The following MTUS1 variants were observed in gnomAD, a reference collection of about 807,000 sequenced individuals.
MTUS1 encodes microtubule-associated tumor suppressor 1.
Under a neutral mutation model 120.8 loss-of-function variants are expected in MTUS1, and 109 were observed. The ratio of observed to expected loss-of-function variants is 0.90; its 90% confidence interval spans 0.77 to 1.06. The LOEUF (loss-of-function observed/expected upper bound fraction) is 1.06. Ranked by LOEUF, MTUS1 falls within the 50% of genes least tolerant of loss-of-function variation. MTUS1 has a pLI of 0.00. For missense variants in MTUS1, 2,210 were observed against 1,486.3 expected (o/e 1.49, Z -8.01); for synonymous variants, 737 against 550.5 (o/e 1.34, Z -4.74).
chr8:17,689,345 A>G (rs924113302), intron 6 of MTUS1, among the ~76,000 whole-genome samples: 3 of 152,028 alleles, frequency 2.0e-5, no homozygotes, highest in African/African-American at 4.8e-5. Context: ...GCAATAGCTC[A>G]TATTATATCA....
chr8:17,801,255 C>G (rs1454503834), upstream of MTUS1: 1 of 151,470 alleles, frequency 6.6e-6, no homozygotes, highest in Non-Finnish European at 1.5e-5. Flanking sequence ...CCGGCCTCCC[C>G]GCCTCCCCGC....
intron 3 of MTUS1, among the ~76,000 whole-genome samples, chr8:17,737,836 G>T (rs2131224241): frequency 6.6e-6 from 1 of 152,048 alleles, no homozygotes; most frequent in East Asian, 1.9e-4. Context: ...CTGATTTTTA[G>T]TAATTACTTT....
At chr8:17,701,881 A>G (rs113520351) in intron 6 of MTUS1, among the ~76,000 whole-genome samples, 7,065 of 152,222 alleles carry the variant, frequency 0.046, 175 homozygotes, top group African/African-American at 0.073. Flanking sequence ...TTACTTACAC[A>G]TCAGACTGCT....
At chr8:17,659,237 C>T (rs1446203291) in intron 8 of MTUS1, among the ~76,000 whole-genome samples, 1 of 152,088 alleles carries the variant, frequency 6.6e-6, no homozygotes, top group African/African-American at 2.4e-5. Flanking sequence ...GCTGGCAAGG[C>T]GCATGATGGG....
At chr8:17,703,546 G>A (rs452444) in intron 6 of MTUS1, among the ~76,000 whole-genome samples, 2,312 of 151,008 alleles carry the variant, frequency 0.015, 55 homozygotes, top group African/African-American at 0.053. Flanking sequence ...GGAGAATGGC[G>A]TGAACCTGGG....
intron 3 of MTUS1, among the ~76,000 whole-genome samples, chr8:17,733,630 GCCCC>G (rs2046742894): frequency 6.6e-6 from 1 of 152,060 alleles, no homozygotes; most frequent in Non-Finnish European, 1.5e-5. Flanking sequence ...ATAAAACAGG[GCCCC>G]GCATCCCTTT....
chr8:17,667,437 T>TA (rs1256416367), intron 8 of MTUS1, among the ~76,000 whole-genome samples: 2 of 152,186 alleles, frequency 1.3e-5, no homozygotes, highest in African/African-American at 4.8e-5. Flanking sequence ...AAATTGTAGA[T>TA]AAAAACGGAA....
intron 1 of MTUS1, among the ~76,000 whole-genome samples, chr8:17,795,212 A>C (rs2052125144): frequency 6.6e-6 from 1 of 152,208 alleles, no homozygotes; most frequent in Non-Finnish European, 1.5e-5. Flanking sequence ...CATTATTTAC[A>C]CAAGAATGTA....
At chr8:17,763,547 T>C (rs1382788920) in intron 1 of MTUS1, among the ~76,000 whole-genome samples, 1 of 152,104 alleles carries the variant, frequency 6.6e-6, no homozygotes, top group Non-Finnish European at 1.5e-5. Context: ...TTAGTGAGAA[T>C]TAGCTGCACA....
intron 8 of MTUS1, among the ~76,000 whole-genome samples, chr8:17,666,535 C>T (rs1315459780): frequency 6.6e-6 from 1 of 152,126 alleles, no homozygotes; most frequent in Non-Finnish European, 1.5e-5. Context: ...AGAGCAGTGT[C>T]AAAGGGTAGT....
At chr8:17,673,589 C>A (rs1228851671) in intron 8 of MTUS1, among the ~76,000 whole-genome samples, 1 of 152,160 alleles carries the variant, frequency 6.6e-6, no homozygotes, top group Non-Finnish European at 1.5e-5. Context: ...GTAGCTGGGA[C>A]AACAGGCACA....
chr8:17,729,020 A>G (rs921659108), intron 3 of MTUS1, among the ~76,000 whole-genome samples: 3 of 152,224 alleles, frequency 2.0e-5, no homozygotes, highest in Non-Finnish European at 4.4e-5. Context: ...CTACTAAGTA[A>G]GAAAGAGAAA....
At chr8:17,797,301 T>C (rs2052321332) in intron 1 of MTUS1, among the ~76,000 whole-genome samples, 2 of 152,046 alleles carry the variant, frequency 1.3e-5, no homozygotes, top group African/African-American at 2.4e-5. Flanking sequence ...TAGTCCCAGA[T>C]ACTCAGGAGG....
chr8:17,723,724 G>A lies in MTUS1; in HGVS notation c.2397C>T (p.Ser799=), dbSNP rs781209973. ...TGTGGGTGCTGGCTATTGAGGGGGT[G>A]CTTCCTGTCCTCCGCAGCGCAGGAC... The part of the protein sequence containing the change: ...LKSPALRRTG[S]TPSIASTHSE... The change falls in exon 4 of 15, where the codon AGC becomes AGT. Residue 799 remains serine (S), a synonymous_variant. Transcript: ENST00000693296. The A allele has an allele frequency of 6.2e-7, 1 of 1,610,990 alleles. No individual in the cohort carries two copies. The highest frequency in any genetic ancestry group is 2.2e-5 in the East Asian group (1 of 44,874).
rs1407344209 is a variant in MTUS1 at position 17,645,958 on chromosome 8, A to G, written c.3781T>C (p.Ser1261Pro). The G allele has an allele frequency of 3.1e-6, 5 of 1,612,716 alleles. No individual in the cohort carries two copies. The highest frequency in any genetic ancestry group is 4.2e-6 in the Non-Finnish European group (5 of 1,179,878). Residue 1261 changes from serine (S) to proline (P), a missense_variant, in exon 15 of 15, where the codon TCC becomes CCC. Ser to Pro is a moderately conservative substitution (Grantham distance 74). Coordinates refer to ENST00000693296, the MANE Select transcript of MTUS1 (RefSeq NM_001363059.2). ...GGTGAAATGCTGGGGCTAGGGAAGGAGCCCGAATTCCTTGGTGACTGCAAA... is the reference window on the plus strand; with the variant it reads ...GGTGAAATGCTGGGGCTAGGGAAGGGGCCCGAATTCCTTGGTGACTGCAAA... Reference protein sequence around the residue: ...IPLQSPRNSGSFPSPSISPR With the variant: ...IPLQSPRNSGPFPSPSISPR
In MTUS1 at chr8:17,646,102, G is replaced by C. The variant is rs544700077; in HGVS notation, c.3637C>G (p.Leu1213Val). 1 of 1,613,000 alleles carries C rather than the reference G, an allele frequency of 6.2e-7. No individual in the cohort carries two copies. The highest frequency in any genetic ancestry group is 1.1e-5 in the South Asian group (1 of 90,924). Residue 1213 changes from leucine (L) to valine (V), a missense_variant, in exon 15 of 15, where the codon CTG (leucine) becomes GTG (valine). Transcript: ENST00000693296. The stretch of plus-strand genomic sequence containing the variant: ...TTGTTGACTTTCGACTCCTTCTCCA[G>C]CGACTCTTGCAGAACAGCCTGCTCC... ...STEQAVLQES[L>V]EKESKVNKRL... is the part of the protein sequence containing the mutation.
At chr8:17,661,903 T>C (rs1809803447) in intron 8 of MTUS1, among the ~76,000 whole-genome samples, 1 of 152,212 alleles carries the variant, frequency 6.6e-6, no homozygotes, top group African/African-American at 2.4e-5. Context: ...CTCACACTAA[T>C]GGCTTTCGTT....
At chr8:17,734,688 T>C (rs2046811817) in intron 3 of MTUS1, among the ~76,000 whole-genome samples, 1 of 152,074 alleles carries the variant, frequency 6.6e-6, no homozygotes, top group African/African-American at 2.4e-5. Flanking sequence ...CTTAAAGGTG[T>C]TGCTTCATTT....
At chr8:17,749,659 CAAA>C (rs768210060) in intron 2 of MTUS1, among the ~76,000 whole-genome samples, 9,495 of 76,242 alleles carry the variant, frequency 0.12, 427 homozygotes, top group Middle Eastern at 0.28. Flanking sequence ...GAATCTGTCT[CAAA>C]AAAAAAAAAA....
Sources: gnomAD v4.1 joint callset for allele counts (sites outside exome capture counted in the v4.1 genomes callset) on GRCh38, gnomAD v4.1.1 for gene constraint, MANE v1.5 for transcripts, NCBI Gene and HGNC (gene_info 2026-07-23, HGNC 2026-07-21) for gene names.